Variants in XIAP observed in about 807,000 individuals in gnomAD.
XIAP encodes X-linked inhibitor of apoptosis.
In XIAP, 3 loss-of-function variants were observed where a neutral mutation model predicts 33.1. The ratio of observed to expected loss-of-function variants is 0.09; its 90% CI spans 0.04 to 0.23. XIAP has a LOEUF of 0.23. XIAP is among the 10% of genes least tolerant of loss of function. XIAP has a pLI of 1.00. For missense variants in XIAP, 264 were observed against 363.0 expected (o/e 0.73, Z 2.22); for synonymous variants, 98 against 121.3 (o/e 0.81, Z 1.26).
intron 3 of XIAP, among the ~76,000 whole-genome samples, chrX:123,889,153 C>T (rs992134482): frequency 9.5e-6 from 1 of 104,761 alleles, no homozygotes; most frequent in Non-Finnish European, 1.9e-5. Context: ...TGCAGTGGTG[C>T]GATCTTGGCT....
intron 1 of XIAP, among the ~76,000 whole-genome samples, chrX:123,870,069 C>T (rs1029096402): frequency 3.6e-5 from 4 of 112,642 alleles, no homozygotes; most frequent in African/African-American, 1.3e-4. Flanking sequence ...AAGCGATTCT[C>T]GTGCCTCAGC....
At chrX:123,866,632 AATAT>A (rs1377894365) in intron 1 of XIAP, among the ~76,000 whole-genome samples, 1 of 103,100 alleles carries the variant, frequency 9.7e-6, no homozygotes, top group Non-Finnish European at 1.9e-5. Flanking sequence ...ATATATGTAA[AATAT>A]ATATAATATA....
intron 3 of XIAP, among the ~76,000 whole-genome samples, chrX:123,890,199 C>A (rs111487575): frequency 4.1e-5 from 4 of 97,529 alleles, no homozygotes; most frequent in African/African-American, 1.5e-4. Flanking sequence ...TGTATTTTTA[C>A]TAGAGACGGG....
intron 1 of XIAP, among the ~76,000 whole-genome samples, chrX:123,864,183 T>C (rs1426135986): frequency 1.8e-5 from 2 of 111,118 alleles, no homozygotes; most frequent in Admixed American, 2.0e-4. Flanking sequence ...TTTACTAATT[T>C]AGTAAATAAA....
At chrX:123,874,788 G>A (rs1169099339) in intron 1 of XIAP, among the ~76,000 whole-genome samples, 1 of 98,919 alleles carries the variant, frequency 1.0e-5, no homozygotes, top group East Asian at 3.4e-4. Context: ...TCCACCTCCC[G>A]AATTCAAACA....
chrX:123,892,228 G>T (rs973952136), intron 4 of XIAP, among the ~76,000 whole-genome samples: 1 of 110,391 alleles, frequency 9.1e-6, no homozygotes, highest in Middle Eastern at 4.7e-3. Flanking sequence ...TTAGCTAGGC[G>T]TAATGGCGGG....
intron 6 of XIAP, 43 bp from the exon 7 acceptor site, chrX:123,906,945 T>G: frequency 8.4e-7 from 1 of 1,187,548 alleles, no homozygotes; most frequent in Non-Finnish European, 1.1e-6. Context: ...TTTAAACAAC[T>G]AAGAGAGTCT....
chrX:123,884,921 G>T (rs2053337292), intron 1 of XIAP, among the ~76,000 whole-genome samples: 1 of 100,044 alleles, frequency 1.0e-5, no homozygotes, highest in Admixed American at 1.1e-4. Flanking sequence ...AAAAGTAACT[G>T]CAGGGCACAT....
chrX:123,871,654 GTTTTTTTT>G (rs1312894244), intron 1 of XIAP, among the ~76,000 whole-genome samples: 3 of 109,184 alleles, frequency 2.7e-5, no homozygotes, highest in Non-Finnish European at 5.7e-5. Flanking sequence ...GTTTTTTGGG[GTTTTTTTT>G]GTTTTTTTGT....
chrX:123,863,910 G>A lies in XIAP; in HGVS notation c.-33+3617G>A, dbSNP rs1390704164. Among the ~76,000 whole-genome samples, 8 of 111,939 alleles carry A rather than the reference G, an allele frequency of 7.1e-5. No homozygotes were observed. In the South Asian group the frequency reaches 2.2e-3, roughly 31 times the overall value. ...TCTAGGTTCTAGTCTAGTGGCCCTT[G>A]TACTATACCTGTAATTTTATTGCTT... On this transcript the variant is annotated intron_variant, in intron 1 of 6. Coordinates refer to ENST00000371199, the MANE Select transcript of XIAP (RefSeq NM_001167.4).
chrX:123,898,210 A>G (rs1390143486), intron 5 of XIAP, among the ~76,000 whole-genome samples: 2 of 111,853 alleles, frequency 1.8e-5, no homozygotes, highest in African/African-American at 6.5e-5. Context: ...CACCTTTTTA[A>G]TGTTGCTTCA....
intron 1 of XIAP, among the ~76,000 whole-genome samples, chrX:123,865,300 G>A (rs192415196): frequency 9.0e-6 from 1 of 111,465 alleles, no homozygotes; most frequent in Non-Finnish European, 1.9e-5. Context: ...AGAGCCCTAC[G>A]TTGGGTACCA....
chrX:123,885,396 A>G (rs986080438), intron 1 of XIAP, among the ~76,000 whole-genome samples: 4 of 112,245 alleles, frequency 3.6e-5, no homozygotes, highest in Non-Finnish European at 7.5e-5. Context: ...TATTAGTTTT[A>G]TTCTGCCTGC....
intron 4 of XIAP, among the ~76,000 whole-genome samples, chrX:123,892,195 GTC>G (rs893898570): frequency 4.5e-5 from 5 of 110,568 alleles, no homozygotes; most frequent in African/African-American, 1.6e-4. Context: ...ATGAAACCCC[GTC>G]TCTACTAAAA....
chrX:123,878,130 C>T (rs897496468), intron 1 of XIAP, among the ~76,000 whole-genome samples: 1 of 111,792 alleles, frequency 8.9e-6, no homozygotes, highest in East Asian at 2.8e-4. Flanking sequence ...ATCAAAAGCA[C>T]GTAATTTCAT....
rs376282989 is a variant in XIAP at position 123,891,238 on chromosome X, G to A, written c.978G>A (p.Gly326=). 60 of 1,038,430 alleles carry A rather than the reference G, an allele frequency of 5.8e-5. No homozygotes were observed. The African/African-American group carries it at 9.9e-4, about 17-fold the overall frequency. 85.6% of individuals were successfully genotyped at this position (1,038,430 alleles called of 1,213,427 possible). ...PWEQHAKWYP[G]CKYLLEQKGQ... ...AAAGTTTAATCTTTTAATTGTTTAG[G>A]TGCAAATATCTGTTAGAACAGAAGG... The change falls in exon 4 of 7, where the codon GGG becomes GGA. Residue 326 remains glycine (G), a splice_region_variant and synonymous_variant. Transcript: ENST00000371199.
chrX:123,908,698 C>T lies in XIAP; in HGVS notation c.*1517C>T, dbSNP rs773937126. 5.8e-6 allele frequency: 2 copies of T among 346,141 alleles called. No individual in the cohort carries two copies. Among genetic ancestry groups the T allele is most frequent in the South Asian group, 5.6e-5 (2 of 35,737 alleles). 28.5% of individuals were successfully genotyped at this position (346,141 alleles called of 1,213,427 possible). On this transcript the variant is annotated 3_prime_UTR_variant, in exon 7 of 7. Transcript: ENST00000371199. Reference sequence around the variant, plus strand: ...AATGTTCTCTCAAGATCCTTAAAACCTCTTGGAAATTATAAAAATATTGGC... The same window carrying T: ...AATGTTCTCTCAAGATCCTTAAAACTTCTTGGAAATTATAAAAATATTGGC...
chrX:123,903,735 A>G (rs1355396943), intron 6 of XIAP, among the ~76,000 whole-genome samples: 1 of 105,706 alleles, frequency 9.5e-6, no homozygotes, highest in Non-Finnish European at 1.9e-5. Context: ...TGTTAAGTAC[A>G]TTTACATTGT....
rs188229692 is a variant in XIAP at position 123,877,898 on chromosome X, C to T, written c.-32-7733C>T. Among the ~76,000 whole-genome samples, 258 of 109,368 alleles carry T rather than the reference C, an allele frequency of 2.4e-3. 2 individuals carry two copies. Among genetic ancestry groups the T allele is most frequent in the African/African-American group, 8.2e-3 (245 of 29,979 alleles). 95.0% of individuals were successfully genotyped at this position (109,368 alleles called of 115,157 possible). ...CTGAGGCAGAAGAATGGCGTGAACC[C>T]GGGAGGCGGAGCTTGCAGTGAGCCG... On this transcript the variant is annotated intron_variant, in intron 1 of 6. Transcript: ENST00000371199.
Sources: allele counts gnomAD v4.1 joint callset (sites outside exome capture counted in the v4.1 genomes callset), GRCh38; gene constraint gnomAD v4.1.1; transcripts MANE v1.5; gene names NCBI Gene and HGNC (gene_info 2026-07-23, HGNC 2026-07-21).